The following SMARCC1 variants were observed in gnomAD, a reference collection of about 807,000 sequenced individuals.
The protein encoded by SMARCC1 is SWI/SNF complex subunit SMARCC1.
A neutral mutation model predicts 147.4 loss-of-function variants in SMARCC1; 43 were observed. The observed-to-expected ratio is 0.29, with a 90% CI of 0.23 to 0.38. SMARCC1 has a LOEUF of 0.38. Among genes scored for constraint, SMARCC1 ranks in the 10% least tolerant of loss-of-function variants. The pLI, the probability that SMARCC1 is intolerant of heterozygous loss-of-function variation, is 1.00. For missense variants in SMARCC1, 1,119 were observed against 1,381.1 expected (o/e 0.81, Z 3.01); for synonymous variants, 495 against 484.4 (o/e 1.02, Z -0.29).
chr3:47,622,923 T>G (rs1245650885), intron 24 of SMARCC1, among the ~76,000 whole-genome samples: 1 of 152,154 alleles, frequency 6.6e-6, no homozygotes, highest in African/African-American at 2.4e-5. Flanking sequence ...GCCACAAGAC[T>G]GATGGTGAAT....
At chr3:47,633,423 A>G (rs1050499872) in intron 24 of SMARCC1, among the ~76,000 whole-genome samples, 2 of 151,980 alleles carry the variant, frequency 1.3e-5, no homozygotes, top group African/African-American at 4.8e-5. Flanking sequence ...CAAAGGAGAA[A>G]GCCCTCTCCA....
chr3:47,693,412 C>T (rs1310544271), intron 11 of SMARCC1, 112 bp from the exon 12 acceptor site: 1 of 654,738 alleles, frequency 1.5e-6, no homozygotes, highest in African/African-American at 1.8e-5. Context: ...ACAACTGCAA[C>T]ACCATTCAAT....
chr3:47,688,195 G>A (rs1384982533), intron 13 of SMARCC1, among the ~76,000 whole-genome samples: 1 of 152,060 alleles, frequency 6.6e-6, no homozygotes, highest in African/African-American at 2.4e-5. Context: ...GGGAGGCGGA[G>A]GTTGTGGTGA....
intron 3 of SMARCC1, among the ~76,000 whole-genome samples, chr3:47,743,378 T>G (rs974225320): frequency 1.3e-5 from 2 of 152,212 alleles, no homozygotes; most frequent in African/African-American, 4.8e-5. Flanking sequence ...GCTAACCCTA[T>G]CCTTTACGTC....
intron 24 of SMARCC1, among the ~76,000 whole-genome samples, chr3:47,629,450 G>A (rs2032858604): frequency 6.6e-6 from 1 of 152,280 alleles, no homozygotes; most frequent in Admixed American, 6.5e-5. Context: ...TCTACCTTGA[G>A]CTGTGCTCTG....
At chr3:47,750,104 A>G (rs1028183079) in intron 2 of SMARCC1, among the ~76,000 whole-genome samples, 7 of 150,842 alleles carry the variant, frequency 4.6e-5, no homozygotes, top group Non-Finnish European at 3.0e-5. Context: ...AAGAAAATGC[A>G]CGAGTCATTA....
chr3:47,660,915 A>T (rs952846222), intron 21 of SMARCC1, among the ~76,000 whole-genome samples: 4 of 152,174 alleles, frequency 2.6e-5, no homozygotes, highest in Non-Finnish European at 5.9e-5. Flanking sequence ...AGCTAAAAAA[A>T]CCCCCAAAAC....
intron 5 of SMARCC1, among the ~76,000 whole-genome samples, chr3:47,734,030 TAC>T (rs1223877174): frequency 5.3e-5 from 8 of 152,006 alleles, no homozygotes; most frequent in Non-Finnish European, 1.2e-4. Context: ...CATATGTATA[TAC>T]AGACATACAC....
intron 1 of SMARCC1, among the ~76,000 whole-genome samples, chr3:47,778,430 C>A (rs143129994): frequency 1.3e-5 from 2 of 151,996 alleles, no homozygotes; most frequent in African/African-American, 4.8e-5. Flanking sequence ...AAGGACCCTG[C>A]CTCAGCCAAG....
intron 15 of SMARCC1, chr3:47,680,084 G>A (rs2033624260): frequency 5.0e-6 from 1 of 198,096 alleles, no homozygotes; most frequent in Non-Finnish European, 1.0e-5. Flanking sequence ...AGCCAAGTGT[G>A]GTGACATGTG....
rs572262450 is a variant in SMARCC1, at chr3:47,645,292, C to T, written c.2321-6512G>A. On this transcript the variant is annotated intron_variant, in intron 21 of 27. Coordinates refer to ENST00000254480, the MANE Select transcript of SMARCC1 (RefSeq NM_003074.4). ...GGTGACAGAGCGAGACCCTGTCCCC[C>T]CCACCAAAAAAAAAAAAAAACCAAC... 4.0e-5 allele frequency among the ~76,000 whole-genome samples: 6 copies of T among 150,460 alleles called. No individual in the cohort carries two copies. The South Asian group carries it at 1.3e-3, about 32-fold the overall frequency.
intron 16 of SMARCC1, 84 bp from the exon 17 acceptor site, chr3:47,676,866 G>A: frequency 8.1e-7 from 1 of 1,232,256 alleles, no homozygotes; most frequent in Non-Finnish European, 1.2e-6. Context: ...TTAAAAAACA[G>A]AAACAATAAA....
chr3:47,626,993 G>A (rs1008804454), intron 24 of SMARCC1, among the ~76,000 whole-genome samples: 1 of 152,142 alleles, frequency 6.6e-6, no homozygotes, highest in Non-Finnish European at 1.5e-5. Context: ...ACTACTAAAT[G>A]ACTCAATTGA....
chr3:47,768,590 C>T (rs997504541), intron 2 of SMARCC1, among the ~76,000 whole-genome samples: 1 of 151,946 alleles, frequency 6.6e-6, no homozygotes, highest in African/African-American at 2.4e-5. Flanking sequence ...AATTATGTTA[C>T]AATTAATAAA....
At chr3:47,620,335 C>T (rs994220502) in intron 25 of SMARCC1, among the ~76,000 whole-genome samples, 2 of 152,082 alleles carry the variant, frequency 1.3e-5, no homozygotes, top group Admixed American at 6.5e-5. Flanking sequence ...TGGTGGCGCA[C>T]GCCTGTAATC....
chr3:47,632,435 G>A (rs889404204), intron 24 of SMARCC1, among the ~76,000 whole-genome samples: 1 of 152,064 alleles, frequency 6.6e-6, no homozygotes, highest in South Asian at 2.1e-4. Flanking sequence ...ACTGCACCCA[G>A]CCTCATGAAA....
At position 47,780,825 on chromosome 3, in the gene SMARCC1, AG is replaced by A. The variant is rs2035037819; in HGVS notation, c.195+777del. Among the ~76,000 whole-genome samples the A allele has an allele frequency of 2.0e-5, 3 of 152,138 alleles. No individual in the cohort carries two copies. The South Asian group carries it at 6.2e-4, about 32-fold the overall frequency. ...CTCCTGAATATTTACACAAAAGGGA[AG>A]TTGGAAAAAAAAAAAACATTTGTTA... On this transcript the variant is annotated intron_variant, in intron 1 of 27. Coordinates refer to ENST00000254480, the MANE Select transcript of SMARCC1 (RefSeq NM_003074.4).
chr3:47,693,219 T>G, intron 12 of SMARCC1, 22 bp downstream of exon 12: 1 of 1,337,440 alleles, frequency 7.5e-7, no homozygotes, highest in Non-Finnish European at 1.1e-6. Flanking sequence ...CACAGACCAG[T>G]GTATAGATTT....
intron 24 of SMARCC1, among the ~76,000 whole-genome samples, chr3:47,633,036 G>C (rs1214943017): frequency 6.6e-6 from 1 of 152,092 alleles, no homozygotes; most frequent in African/African-American, 2.4e-5. Flanking sequence ...CTCCAGGGAA[G>C]GCAAAGTAAC....
Sources: allele counts gnomAD v4.1 joint callset (sites outside exome capture counted in the v4.1 genomes callset), GRCh38; gene constraint gnomAD v4.1.1; transcripts MANE v1.5; gene names NCBI Gene and HGNC (gene_info 2026-07-23, HGNC 2026-07-21).